HAUS6: variants seen among roughly 807,000 people sequenced by gnomAD.
The protein encoded by HAUS6 is HAUS augmin-like complex subunit 6.
Under a neutral mutation model 106.8 loss-of-function variants are expected in HAUS6, and 80 were observed. That is an observed-to-expected ratio of 0.75 (90% confidence interval 0.63 to 0.90). The LOEUF (loss-of-function observed/expected upper bound fraction) is 0.90. Among genes scored for constraint, HAUS6 ranks in the 40% least tolerant of loss-of-function variants. HAUS6 has a pLI of 0.00. For missense variants in HAUS6, 1,155 were observed against 1,118.1 expected (o/e 1.03, Z -0.47); for synonymous variants, 356 against 379.1 (o/e 0.94, Z 0.71).
chr9:19,097,694 G>C (rs1817893249), intron 1 of HAUS6, among the ~76,000 whole-genome samples: 1 of 150,922 alleles, frequency 6.6e-6, no homozygotes, highest in African/African-American at 2.4e-5. Context: ...TTTATTTCCA[G>C]AACCATCTTT....
rs897634663 is a variant in HAUS6, at chr9:19,056,533, AATTATT to A, written c.2807-135_2807-130del. 3 of 606,658 alleles carry A rather than the reference AATTATT, an allele frequency of 4.9e-6. No individual in the cohort carries two copies. In the South Asian group the frequency reaches 6.2e-5, roughly 12 times the overall value. The allele number at this position is 606,658 out of a possible 1,614,324, so 37.6% of individuals were successfully genotyped here. ...CTTTGCAAATACTTGATTATGATAA[AATTATT>A]ATTATTCTCACCAAAGTACCCTCTT... On this transcript the variant is annotated intron_variant, in intron 16 of 16. Coordinates refer to ENST00000380502, the MANE Select transcript of HAUS6 (RefSeq NM_017645.5).
intron 2 of HAUS6, among the ~76,000 whole-genome samples, chr9:19,096,402 TA>T (rs1817862799): frequency 6.6e-6 from 1 of 151,762 alleles, no homozygotes; most frequent in African/African-American, 2.4e-5. Flanking sequence ...CCAGCTCCAA[TA>T]AAAATGCAAA....
intron 10 of HAUS6, 149 bp from the exon 11 acceptor site, chr9:19,076,853 T>C (rs1837019245): frequency 6.9e-6 from 4 of 581,114 alleles, no homozygotes; most frequent in Non-Finnish European, 6.2e-6. Flanking sequence ...TATTTATTTA[T>C]TTTTCTTAAA....
rs140956622 is a variant in HAUS6, at chr9:19,056,926, T to TAA, written c.2807-524_2807-523dup. On this transcript the variant is annotated intron_variant, in intron 16 of 16. Transcript: ENST00000380502. ...AAATACTTTTCAATATGGCAGTGTA[T>TAA]AACTATTATGGGCAAATCAGAGTAT... The TAA allele has an allele frequency of 4.2e-3, 640 of 153,420 alleles. 8 individuals are homozygous for TAA. The highest frequency in any genetic ancestry group is 0.014 in the Admixed American group (224 of 15,470). 9.5% of individuals were successfully genotyped at this position (153,420 alleles called of 1,614,324 possible). A position where few individuals can be genotyped will look rare whatever the true frequency, so the allele number is the denominator to read the frequency against.
chr9:19,064,131 G>A (rs13287517), intron 12 of HAUS6, among the ~76,000 whole-genome samples: 2 of 151,804 alleles, frequency 1.3e-5, no homozygotes, highest in African/African-American at 2.4e-5. Context: ...CAACACCTGA[G>A]TAATTTTGTC....
chr9:19,098,785 G>A (rs867549161), intron 1 of HAUS6, among the ~76,000 whole-genome samples: 10 of 152,132 alleles, frequency 6.6e-5, no homozygotes, highest in African/African-American at 2.2e-4. Flanking sequence ...CACTCTGGGA[G>A]GCCGAGGCAG....
intron 8 of HAUS6, among the ~76,000 whole-genome samples, chr9:19,081,183 CTTGCTACATTTT>C (rs1023916073): frequency 4.6e-5 from 7 of 151,998 alleles, no homozygotes; most frequent in Non-Finnish European, 8.8e-5. Flanking sequence ...AGTAACATGC[CTTGCTACATTTT>C]TTGCTACATT....
chr9:19,084,900 C>A (rs1181423331), intron 7 of HAUS6, among the ~76,000 whole-genome samples: 1 of 151,802 alleles, frequency 6.6e-6, no homozygotes, highest in Non-Finnish European at 1.5e-5. Context: ...CCAAAGTGCT[C>A]ACAGGCGTGA....
At chr9:19,076,160 G>A (rs1464424195) in intron 11 of HAUS6, among the ~76,000 whole-genome samples, 1 of 150,430 alleles carries the variant, frequency 6.6e-6, no homozygotes, top group African/African-American at 2.5e-5. Flanking sequence ...AGGAGTTCAA[G>A]ATCAGCCCGG....
In HAUS6 at chr9:19,058,270, G is replaced by A. The variant is rs1299336950; in HGVS notation, c.2497C>T (p.Leu833Phe). ...TPESDFNLQA[L>F]RSRYEALKKS... ...TTCAGAGCCTCGTATCTACTGCGAA[G>A]AGCCTGTAAATTAAAGTCTGATTCT... Residue 833 changes from leucine to phenylalanine, a missense_variant, in exon 16 of 17, where the codon CTT (leucine) becomes TTT (phenylalanine). Physicochemically the swap from Leu to Phe is conservative, Grantham distance 22. Transcript: ENST00000380502. 2 of 1,613,812 alleles carry A rather than the reference G, an allele frequency of 1.2e-6. No homozygotes were observed. The highest frequency in any genetic ancestry group is 1.7e-6 in the Non-Finnish European group (2 of 1,179,788).
Position 19,099,822 on chromosome 9 carries a change from G to A in HAUS6, c.128+2702C>T, listed in dbSNP as rs541065041. The stretch of plus-strand genomic sequence containing the variant: ...CCCAGCACTTTGGGAGGCTGACGCG[G>A]GAGGATCACTTAAGCCCAGAGGGTC... On this transcript the variant is annotated intron_variant, in intron 1 of 16. Transcript: ENST00000380502. Among the ~76,000 whole-genome samples the A allele has an allele frequency of 2.0e-5, 3 of 152,288 alleles. No individual in the cohort carries two copies. In the South Asian group the frequency reaches 6.2e-4, roughly 32 times the overall value.
chr9:19,063,736 A>G (rs769035347), intron 12 of HAUS6, 156 bp from the exon 13 acceptor site: 3 of 762,500 alleles, frequency 3.9e-6, no homozygotes, highest in South Asian at 2.7e-5. Context: ...CTAGGGAGGC[A>G]TGGTGACAAG....
intron 1 of HAUS6, among the ~76,000 whole-genome samples, chr9:19,101,245 G>T (rs902476390): frequency 6.6e-6 from 1 of 152,156 alleles, no homozygotes; most frequent in Non-Finnish European, 1.5e-5. Flanking sequence ...AACAGGCCAG[G>T]CTCGGTGGCT....
intron 14 of HAUS6, among the ~76,000 whole-genome samples, chr9:19,061,768 G>T (rs369492413): frequency 1.3e-5 from 2 of 152,312 alleles, no homozygotes; most frequent in East Asian, 3.9e-4. Context: ...TCAGAAGTTC[G>T]AAGTTACAGT....
chr9:19,080,340 G>C (rs547814388), intron 9 of HAUS6, 139 bp downstream of exon 9: 3 of 617,502 alleles, frequency 4.9e-6, no homozygotes, highest in African/African-American at 1.9e-5. Flanking sequence ...ATCTCCAAGA[G>C]TTGATTATGT....
intron 11 of HAUS6, among the ~76,000 whole-genome samples, chr9:19,072,732 G>T (rs957245873): frequency 6.6e-6 from 1 of 152,002 alleles, no homozygotes; most frequent in Admixed American, 6.6e-5. Flanking sequence ...CAAGAACTAA[G>T]CATATACTTT....
At chr9:19,079,439 C>T (rs1837088679) in intron 9 of HAUS6, among the ~76,000 whole-genome samples, 1 of 151,588 alleles carries the variant, frequency 6.6e-6, no homozygotes, top group African/African-American at 2.4e-5. Context: ...CCATATTGGC[C>T]AGAATGGTCT....
At chr9:19,072,434 A>T (rs1288408141) in intron 11 of HAUS6, among the ~76,000 whole-genome samples, 2 of 151,566 alleles carry the variant, frequency 1.3e-5, no homozygotes, top group Non-Finnish European at 2.9e-5. Context: ...AATTGCTTGA[A>T]CCCGGGAGGC....
intron 12 of HAUS6, among the ~76,000 whole-genome samples, chr9:19,067,841 C>T (rs890878307): frequency 5.9e-5 from 9 of 151,916 alleles, no homozygotes; most frequent in Non-Finnish European, 8.8e-5. Flanking sequence ...TATAAGCATG[C>T]GCCACCACAC....
Sources: gnomAD v4.1 joint callset for allele counts (sites outside exome capture counted in the v4.1 genomes callset) on GRCh38, gnomAD v4.1.1 for gene constraint, MANE v1.5 for transcripts, NCBI Gene and HGNC (gene_info 2026-07-23, HGNC 2026-07-21) for gene names.